TRAM2: variants seen among roughly 807,000 people sequenced by gnomAD.
TRAM2 encodes translocation associated membrane protein 2, also known as translocating chain-associated membrane protein 2.
A neutral mutation model predicts 51.0 loss-of-function variants in TRAM2; 12 were observed. The ratio of observed to expected loss-of-function variants is 0.24; its 90% CI spans 0.15 to 0.38. The LOEUF is 0.38. Among genes scored for constraint, TRAM2 ranks in the 10% least tolerant of loss-of-function variants. The probability of loss-of-function intolerance (pLI) is 1.00; values close to 1 mark genes in which losing one functional copy is unlikely to be tolerated. For synonymous variants in TRAM2, 175 were observed against 179.4 expected (o/e 0.98, Z 0.20); for missense variants, 361 against 462.0 (o/e 0.78, Z 2.00).
At chr6:52,505,763 G>C in intron 8 of TRAM2, 21 bp from the exon 9 acceptor site, 1 of 1,588,454 alleles carries the variant, frequency 6.3e-7, no homozygotes, top group Non-Finnish European at 8.6e-7. Flanking sequence ...AGGCAGAAGA[G>C]GGATGTCAGT....
rs115505280 is a variant in TRAM2 at position 52,511,210 on chromosome 6, T to A, written c.412-1624A>T. 1.5e-3 allele frequency among the ~76,000 whole-genome samples: 231 copies of A among 152,308 alleles called. 1 individual carries two copies. The highest frequency in any genetic ancestry group is 5.0e-3 in the African/African-American group (209 of 41,564). ...CCTCTGCCTTGCAGGTTCAAGCGAT[T>A]CTCCCGCCTCAGTCCTCCTGAGTAG... is the stretch of plus-strand genomic sequence containing the variant. On this transcript the variant is annotated intron_variant, in intron 4 of 10. Transcript: ENST00000182527.
At chr6:52,531,893 A>C (rs1271303214) in intron 2 of TRAM2, among the ~76,000 whole-genome samples, 1 of 152,240 alleles carries the variant, frequency 6.6e-6, no homozygotes, top group Non-Finnish European at 1.5e-5. Flanking sequence ...CAGAGATCAG[A>C]TGGGTTCTGG....
Position 52,516,141 on chromosome 6 carries a change from C to G in TRAM2, c.295-19G>C. 6.2e-7 allele frequency: 1 copy of G among 1,600,520 alleles called. No homozygotes were observed. ...TGATTTTCTAAAGAATAAAGAAAAC[C>G]CCTCATATTAATATACAAATGTATC... is the stretch of plus-strand genomic sequence containing the variant. On this transcript the variant is annotated intron_variant, in intron 3 of 10. Coordinates refer to ENST00000182527, the MANE Select transcript of TRAM2 (RefSeq NM_012288.4).
At chr6:52,506,620 C>T (rs1408015548) in intron 7 of TRAM2, among the ~76,000 whole-genome samples, 1 of 152,220 alleles carries the variant, frequency 6.6e-6, no homozygotes, top group Non-Finnish European at 1.5e-5. Flanking sequence ...CCCCGGTCCT[C>T]GCCACTGCTA....
At chr6:52,507,101 C>G (rs1766363712) in intron 7 of TRAM2, among the ~76,000 whole-genome samples, 1 of 152,198 alleles carries the variant, frequency 6.6e-6, no homozygotes, top group African/African-American at 2.4e-5. Flanking sequence ...CAAGAGAGAC[C>G]TACTCTCCAT....
At chr6:52,551,282 C>T (rs1767304312) in intron 1 of TRAM2, among the ~76,000 whole-genome samples, 1 of 152,220 alleles carries the variant, frequency 6.6e-6, no homozygotes, top group Non-Finnish European at 1.5e-5. Flanking sequence ...TGGCTCTACA[C>T]TAACCAATAA....
chr6:52,544,565 T>A (rs1033721919), intron 1 of TRAM2, among the ~76,000 whole-genome samples: 2 of 152,190 alleles, frequency 1.3e-5, no homozygotes, highest in Non-Finnish European at 2.9e-5. Flanking sequence ...CCTAACACAC[T>A]CGGCACTGGC....
At chr6:52,570,479 G>A (rs1767657454) in intron 1 of TRAM2, among the ~76,000 whole-genome samples, 1 of 152,168 alleles carries the variant, frequency 6.6e-6, no homozygotes, top group South Asian at 2.1e-4. Context: ...AGCTCTAAAT[G>A]TGAGCCAGAC....
Position 52,512,201 on chromosome 6 carries a change from A to T in TRAM2, c.412-2615T>A, listed in dbSNP as rs549025889. Among the ~76,000 whole-genome samples, 8 of 152,336 alleles carry T rather than the reference A, an allele frequency of 5.3e-5. No homozygotes were observed. In the South Asian group the frequency reaches 1.7e-3, roughly 32 times the overall value. ...TTTTGCCCAAACAAGACTCGCCAAG[A>T]AAAGCAGCACTGAGAGCAATGTAAA... On this transcript the variant is annotated intron_variant, in intron 4 of 10. Coordinates refer to ENST00000182527, the MANE Select transcript of TRAM2 (RefSeq NM_012288.4).
At chr6:52,503,680 C>T (rs9474232) in intron 10 of TRAM2, among the ~76,000 whole-genome samples, 137,815 of 152,216 alleles carry the variant, frequency 0.91, 62,479 homozygotes, top group East Asian at 0.96. Flanking sequence ...CATCAGCCCA[C>T]TTCCAGTTCA....
intron 1 of TRAM2, among the ~76,000 whole-genome samples, chr6:52,544,694 G>C (rs1228301553): frequency 6.6e-6 from 1 of 152,216 alleles, no homozygotes; most frequent in East Asian, 1.9e-4. Context: ...CCAAGGCCAA[G>C]AACATTAATG....
chr6:52,545,378 C>T (rs541969257), intron 1 of TRAM2, among the ~76,000 whole-genome samples: 2 of 152,304 alleles, frequency 1.3e-5, no homozygotes, highest in Admixed American at 1.3e-4. Context: ...CAGGGGGCTA[C>T]AAGAAGGGAC....
chr6:52,519,026 T>C (rs1435678753), intron 2 of TRAM2, among the ~76,000 whole-genome samples: 1 of 152,138 alleles, frequency 6.6e-6, no homozygotes. Flanking sequence ...CAAAGAAATA[T>C]GACTATAATC....
chr6:52,519,728 T>G (rs1411717329), intron 2 of TRAM2, among the ~76,000 whole-genome samples: 1 of 151,620 alleles, frequency 6.6e-6, no homozygotes, highest in Non-Finnish European at 1.5e-5. Flanking sequence ...GCCAAAAAGA[T>G]GGAAGCGACG....
rs763364140 is a variant in TRAM2, at chr6:52,506,004, C to T, written c.731+28G>A. ...GGGAACCCCTGCCCAGGCCTCTAAG[C>T]GGGCCAGCCTGCAGCAGACCCACTT... On this transcript the variant is annotated intron_variant, in intron 8 of 10. Coordinates refer to ENST00000182527, the MANE Select transcript of TRAM2 (RefSeq NM_012288.4). 2.4e-5 allele frequency: 38 copies of T among 1,606,538 alleles called. 1 individual carries two copies. The highest frequency in any genetic ancestry group is 1.6e-4 in the Middle Eastern group (1 of 6,072).
rs528584034 is a variant in TRAM2, at chr6:52,505,463, C to T, written c.875+136G>A. On this transcript the variant is annotated intron_variant, in intron 9 of 10. Transcript: ENST00000182527. The stretch of plus-strand genomic sequence containing the variant: ...GGCTGCTATCTCTTCTCCCCTCAGG[C>T]CTGATATCCAGAGATTTCCAAAAAA... The T allele has an allele frequency of 3.7e-4, 466 of 1,245,458 alleles. 1 individual carries two copies. Among genetic ancestry groups the T allele is most frequent in the Non-Finnish European group, 4.1e-4 (374 of 905,830 alleles). The allele number at this position is 1,245,458 out of a possible 1,614,324, so 77.2% of individuals were successfully genotyped here.
At chr6:52,574,921 C>T (rs574089185) in intron 1 of TRAM2, among the ~76,000 whole-genome samples, 2 of 152,234 alleles carry the variant, frequency 1.3e-5, no homozygotes, top group African/African-American at 4.8e-5. Context: ...ACAGGCTATG[C>T]GAGAAACTTC....
intron 2 of TRAM2, among the ~76,000 whole-genome samples, chr6:52,521,973 G>A (rs1017971405): frequency 3.3e-5 from 5 of 152,128 alleles, no homozygotes; most frequent in Non-Finnish European, 4.4e-5. Context: ...CAGGGACCGG[G>A]GGGAGCACAA....
At chr6:52,539,711 C>T (rs1341577877) in intron 1 of TRAM2, among the ~76,000 whole-genome samples, 2 of 152,090 alleles carry the variant, frequency 1.3e-5, no homozygotes, top group Non-Finnish European at 2.9e-5. Context: ...CTTCAAACTG[C>T]CCCAGAACAG....
Sources: gnomAD v4.1 joint callset for allele counts (sites outside exome capture counted in the v4.1 genomes callset) on GRCh38, gnomAD v4.1.1 for gene constraint, MANE v1.5 for transcripts, NCBI Gene and HGNC (gene_info 2026-07-23, HGNC 2026-07-21) for gene names.